Variants in ZNF273 observed in about 807,000 individuals in gnomAD.
The protein encoded by ZNF273 is zinc finger protein 9.
In ZNF273, 11 loss-of-function variants were observed where a neutral mutation model predicts 14.9. That is an observed-to-expected ratio of 0.74 (90% confidence interval 0.46 to 1.22). The LOEUF (loss-of-function observed/expected upper bound fraction) is 1.22. Among genes scored for constraint, ZNF273 ranks in the 50% most tolerant of loss-of-function variants. The probability of loss-of-function intolerance (pLI) is 0.00; values close to 1 mark genes in which losing one functional copy is unlikely to be tolerated. For missense variants in ZNF273, 577 were observed against 660.6 expected (o/e 0.87, Z 1.39); for synonymous variants, 199 against 223.9 (o/e 0.89, Z 0.99).
intron 1 of ZNF273, among the ~76,000 whole-genome samples, chr7:64,909,668 G>A (rs1793354479): frequency 6.7e-6 from 1 of 149,340 alleles, no homozygotes; most frequent in Non-Finnish European, 1.5e-5. Context: ...TTATATTTTG[G>A]GGGGTATATA....
intron 1 of ZNF273, among the ~76,000 whole-genome samples, chr7:64,914,344 G>T (rs1434337050): frequency 7.5e-6 from 1 of 134,086 alleles, no homozygotes; most frequent in Non-Finnish European, 1.7e-5. Flanking sequence ...GACTGTTTCT[G>T]CTATTTAAAA....
chr7:64,896,828 G>A (rs1371213339), intron 3 of ZNF273, among the ~76,000 whole-genome samples: 1 of 151,974 alleles, frequency 6.6e-6, no homozygotes, highest in East Asian at 1.9e-4. Context: ...AAAATAAAAA[G>A]AGGTAAAAGC....
chr7:64,937,207 T>A, the ZNF273 span, among the ~76,000 whole-genome samples: 1 of 152,246 alleles, frequency 6.6e-6, no homozygotes, highest in East Asian at 1.9e-4. Context: ...TTCAGTGATT[T>A]CTATATTGCT....
At chr7:64,916,932 T>TAAAC in intron 1 of ZNF273, 1 of 1,091,656 alleles carries the variant, frequency 9.2e-7, no homozygotes, top group South Asian at 1.8e-5. Context: ...CTGATGTGCA[T>TAAAC]AAACCATCAC....
chr7:64,918,372 T>A (rs1794161406), intron 3 of ZNF273, 80 bp downstream of exon 3: 4 of 1,385,514 alleles, frequency 2.9e-6, no homozygotes, highest in Non-Finnish European at 3.8e-6. Flanking sequence ...GTTCTTAAAA[T>A]GTGATTTGGG....
intron 3 of ZNF273, among the ~76,000 whole-genome samples, chr7:64,921,796 A>T (rs553301697): frequency 6.6e-6 from 1 of 151,250 alleles, no homozygotes; most frequent in African/African-American, 2.4e-5. Context: ...TGCCTGGCTA[A>T]TTTTTGTATT....
downstream of ZNF273, among the ~76,000 whole-genome samples, chr7:64,893,232 A>G (rs1792143904): frequency 6.6e-6 from 1 of 152,204 alleles, no homozygotes; most frequent in Non-Finnish European, 1.5e-5. Context: ...ATCATCACTC[A>G]GAGACAACCA....
chr7:64,921,637 T>TTTTTTTTG lies in ZNF273; in HGVS notation c.325+3345_325+3346insTTTTTTTG, dbSNP rs750737426. Among the ~76,000 whole-genome samples the TTTTTTTTG allele has an allele frequency of 2.9e-3, 87 of 29,572 alleles. 8 individuals carry two copies. The highest frequency in any genetic ancestry group is 0.013 in the African/African-American group (83 of 6,412). The allele number at this position is 29,572 out of a possible 152,430, so 19.4% of individuals were successfully genotyped here. ...TTTTTTTTTTTTTTTTTTTTTTTTT[T>TTTTTTTTG]GTGTGTGAGACAGAGTCTTGCTCTC... is the stretch of plus-strand genomic sequence containing the variant. On this transcript the variant is annotated intron_variant, in intron 3 of 3. Coordinates refer to ENST00000476120, the MANE Select transcript of ZNF273 (RefSeq NM_021148.3).
chr7:64,892,859 T>C (rs1792117782), downstream of ZNF273, among the ~76,000 whole-genome samples: 1 of 152,220 alleles, frequency 6.6e-6, no homozygotes, highest in Non-Finnish European at 1.5e-5. Flanking sequence ...TTGTGTCCAC[T>C]CCCACCCTAA....
chr7:64,896,352 A>G (rs1299777698), intron 3 of ZNF273, among the ~76,000 whole-genome samples: 2 of 152,240 alleles, frequency 1.3e-5, no homozygotes, highest in Non-Finnish European at 2.9e-5. Context: ...TGAACCAAAA[A>G]CCACACAAAC....
rs1331893248 is a variant in ZNF273, at chr7:64,928,826, A to G, written c.1498A>G (p.Thr500Ala). The G allele has an allele frequency of 1.9e-6, 3 of 1,613,632 alleles. No individual in the cohort carries two copies. The highest frequency in any genetic ancestry group is 1.1e-5 in the South Asian group (1 of 91,076). ...ECGKAFNWSS[T>A]LTKHKRIHTG... Reference sequence around the variant, plus strand: ...TGGTAAAGCCTTTAACTGGTCCTCAACTCTTACTAAACATAAGAGAATTCA... The same window carrying G: ...TGGTAAAGCCTTTAACTGGTCCTCAGCTCTTACTAAACATAAGAGAATTCA... Residue 500 changes from threonine to alanine, a missense_variant, in exon 4 of 4, where the codon ACT (threonine) becomes GCT (alanine). This residue lies in a region of ZNF273 where 411 missense variants were observed against 440.4 expected (regional missense o/e 0.93). Coordinates refer to ENST00000476120, the MANE Select transcript of ZNF273 (RefSeq NM_021148.3).
chr7:64,885,319 C>T (rs1791513509), intron 1 of ZNF273, among the ~76,000 whole-genome samples: 1 of 152,246 alleles, frequency 6.6e-6, no homozygotes, highest in Admixed American at 6.5e-5. Context: ...CACTGCCTCT[C>T]CTGCAGGCCT....
intron 3 of ZNF273, among the ~76,000 whole-genome samples, chr7:64,919,211 A>G (rs1159580727): frequency 6.6e-6 from 1 of 152,208 alleles, no homozygotes; most frequent in East Asian, 1.9e-4. Flanking sequence ...ATAAAATACC[A>G]TTGCAATTTT....
At position 64,903,332 on chromosome 7, in the gene ZNF273, T is replaced by C. The variant is rs749992811; in HGVS notation, c.15T>C (p.Pro5=). 6.2e-7 allele frequency: 1 copy of C among 1,612,736 alleles called. No individual in the cohort carries two copies. Among genetic ancestry groups the C allele is most frequent in the South Asian group, 1.1e-5 (1 of 91,070 alleles). The change falls in exon 1 of 4, where the codon CCT becomes CCC. Residue 5 remains proline (P), a synonymous_variant. Coordinates refer to ENST00000476120, the MANE Select transcript of ZNF273 (RefSeq NM_021148.3). The stretch of plus-strand genomic sequence containing the variant: ...TTCACTGCTCTATGTCCTCTGCTCC[T>C]AGAGGTCCACCTTCTGTGGCCCCGT... MSSA[P]RGPPSVAPLP...
At chr7:64,885,573 C>A (rs1160110446) in intron 1 of ZNF273, among the ~76,000 whole-genome samples, 2 of 152,312 alleles carry the variant, frequency 1.3e-5, no homozygotes, top group Admixed American at 1.3e-4. Context: ...CACTTCGCAC[C>A]TACACCTCCA....
chr7:64,886,657 T>C (rs58472271), intron 1 of ZNF273, among the ~76,000 whole-genome samples: 7,768 of 152,144 alleles, frequency 0.051, 233 homozygotes, highest in Middle Eastern at 0.085. Context: ...CCAATCTCCA[T>C]AGTACAATTG....
Position 64,928,328 on chromosome 7 carries a change from A to C in ZNF273, c.1000A>C (p.Thr334Pro), listed in dbSNP as rs767284031. 1.2e-6 allele frequency: 2 copies of C among 1,613,618 alleles called. No homozygotes were observed. The highest frequency in any genetic ancestry group is 1.7e-6 in the Non-Finnish European group (2 of 1,179,840). ...GKGFSIFSTLTKHKIIHTGEK... is the reference protein window; with the variant it reads ...GKGFSIFSTLPKHKIIHTGEK... ...AGGCTTTAGTATATTCTCAACCCTT[A>C]CTAAACATAAGATAATTCATACTGG... The change falls in exon 4 of 4, where the codon ACT becomes CCT. Residue 334 changes from threonine (T) to proline (P), a missense_variant. Thr to Pro is a conservative substitution (Grantham distance 38). Transcript: ENST00000476120.
downstream of ZNF273, chr7:64,880,203 A>G (rs932648402): frequency 2.0e-5 from 3 of 152,262 alleles, no homozygotes; most frequent in Admixed American, 6.5e-5. Context: ...ACGATCCAGG[A>G]TACAATAGAG....
At chr7:64,885,007 G>T (rs1180139585) in intron 1 of ZNF273, among the ~76,000 whole-genome samples, 1 of 152,218 alleles carries the variant, frequency 6.6e-6, no homozygotes, top group African/African-American at 2.4e-5. Context: ...TCGCGGATTC[G>T]CATGCGCCAG....
Sources: allele counts gnomAD v4.1 joint callset (sites outside exome capture counted in the v4.1 genomes callset), GRCh38; gene constraint gnomAD v4.1.1; regional missense constraint gnomAD v4.1.1; transcripts MANE v1.5; gene names NCBI Gene and HGNC (gene_info 2026-07-23, HGNC 2026-07-21).